The following RALGAPA1 variants were observed in gnomAD, a reference collection of about 807,000 sequenced individuals.
RALGAPA1 encodes the protein ral GTPase-activating protein subunit alpha-1.
RALGAPA1 carries 52 observed loss-of-function variants against 269.6 expected under a neutral mutation model. That is an observed-to-expected ratio of 0.19 (90% CI 0.15 to 0.24). The LOEUF is 0.24. RALGAPA1 is among the 10% of genes least tolerant of loss of function. The probability of loss-of-function intolerance (pLI) is 1.00; values close to 1 mark genes in which losing one functional copy is unlikely to be tolerated. For synonymous variants in RALGAPA1, 817 were observed against 1,008.3 expected (o/e 0.81, Z 3.60); for missense variants, 1,917 against 3,013.9 (o/e 0.64, Z 8.52).
chr14:35,642,592 G>A (rs988018212), intron 31 of RALGAPA1, among the ~76,000 whole-genome samples: 2 of 152,088 alleles, frequency 1.3e-5, no homozygotes, highest in African/African-American at 2.4e-5. Context: ...AATACAATGA[G>A]ATATCATCTC....
intron 7 of RALGAPA1, among the ~76,000 whole-genome samples, chr14:35,756,069 A>G (rs1488190388): frequency 6.6e-6 from 1 of 152,226 alleles, no homozygotes; most frequent in Non-Finnish European, 1.5e-5. Flanking sequence ...TAGTTGTTAC[A>G]TATTGGCAGA....
Position 35,578,877 on chromosome 14 carries a change from C to T in RALGAPA1, c.7210-6159G>A, listed in dbSNP as rs142032268. 6.1e-4 allele frequency among the ~76,000 whole-genome samples: 93 copies of T among 152,272 alleles called. 1 individual carries two copies. Among genetic ancestry groups the T allele is most frequent in the African/African-American group, 2.2e-3 (91 of 41,572 alleles). ...GGCCTGGTACTAGGTGCTGGAGATA[C>T]AGCAGTAAGCAAAAGAGACAAAGTC... On this transcript the variant is annotated intron_variant, in intron 37 of 41. Transcript: ENST00000680220.
At chr14:35,559,372 C>A (rs187243913) in intron 39 of RALGAPA1, among the ~76,000 whole-genome samples, 1 of 152,042 alleles carries the variant, frequency 6.6e-6, no homozygotes. Flanking sequence ...TCTGAATCTA[C>A]AGTTGTTTTC....
At chr14:35,738,728 G>T in intron 11 of RALGAPA1, 78 bp from the exon 12 acceptor site, 1 of 1,172,770 alleles carries the variant, frequency 8.5e-7, no homozygotes, top group South Asian at 1.6e-5. Flanking sequence ...AAAGGTAAAT[G>T]AAATTGTTAG....
intron 28 of RALGAPA1, among the ~76,000 whole-genome samples, chr14:35,657,678 T>A (rs749706418): frequency 2.2e-5 from 3 of 136,718 alleles, no homozygotes; most frequent in Non-Finnish European, 4.6e-5. Context: ...AGAAGCAACA[T>A]ATATATATAT....
intron 39 of RALGAPA1, among the ~76,000 whole-genome samples, chr14:35,563,289 A>G (rs1027263254): frequency 6.6e-6 from 1 of 152,132 alleles, no homozygotes; most frequent in Non-Finnish European, 1.5e-5. Context: ...CTTTTAAAAC[A>G]AAGGATATTT....
chr14:35,609,939 A>C (rs2059824262), intron 35 of RALGAPA1, among the ~76,000 whole-genome samples: 1 of 151,236 alleles, frequency 6.6e-6, no homozygotes. Context: ...AAAAAAAAAA[A>C]AAAAGAAAAA....
intron 17 of RALGAPA1, among the ~76,000 whole-genome samples, chr14:35,690,652 T>C (rs1210462721): frequency 6.6e-6 from 1 of 152,260 alleles, no homozygotes; most frequent in African/African-American, 2.4e-5. Flanking sequence ...TTGTATTCTT[T>C]TGTTTTTGGC....
intron 33 of RALGAPA1, among the ~76,000 whole-genome samples, chr14:35,629,337 A>G (rs897038239): frequency 6.6e-6 from 1 of 150,962 alleles, no homozygotes; most frequent in South Asian, 2.1e-4. Context: ...TCTCTACTTA[A>G]TTTTAGACAT....
chr14:35,697,339 TG>T (rs869082743), intron 17 of RALGAPA1, among the ~76,000 whole-genome samples: 1 of 117,610 alleles, frequency 8.5e-6, no homozygotes, highest in Non-Finnish European at 1.9e-5. Flanking sequence ...TGTTTTTTTT[TG>T]TTTTGTTTTG....
intron 12 of RALGAPA1, among the ~76,000 whole-genome samples, chr14:35,733,811 T>C (rs530898752): frequency 6.6e-6 from 1 of 152,124 alleles, no homozygotes; most frequent in African/African-American, 2.4e-5. Context: ...ATAAAATTGA[T>C]AGACCCTTAG....
chr14:35,771,673 C>A (rs1366731350), intron 3 of RALGAPA1, among the ~76,000 whole-genome samples: 1 of 151,578 alleles, frequency 6.6e-6, no homozygotes, highest in Non-Finnish European at 1.5e-5. Flanking sequence ...TTTTTTTCCC[C>A]CTTTAGAGAC....
rs1182909247 is a variant in RALGAPA1 at position 35,689,608 on chromosome 14, C to T, written c.2803G>A (p.Gly935Arg). 2 of 1,245,090 alleles carry T rather than the reference C, an allele frequency of 1.6e-6. No individual in the cohort carries two copies. Among genetic ancestry groups the T allele is most frequent in the African/African-American group, 3.1e-5 (2 of 64,588 alleles). The allele number at this position is 1,245,090 out of a possible 1,614,324, so 77.1% of individuals were successfully genotyped here. ...FEQIQYIDLE[G>R]DDDLLSTLKE... ...AGGGTGGAAAGAAGATCATCATCTCCTTCAAGGTCAATGTACTGGATTTGT... is the reference window on the plus strand; with the variant it reads ...AGGGTGGAAAGAAGATCATCATCTCTTTCAAGGTCAATGTACTGGATTTGT... The change falls in exon 18 of 42, where the codon GGA (glycine) becomes AGA (arginine). Residue 935 changes from glycine (G) to arginine (R), a missense_variant. Transcript: ENST00000680220.
chr14:35,785,587 C>T (rs991099658), intron 1 of RALGAPA1, among the ~76,000 whole-genome samples: 1 of 152,176 alleles, frequency 6.6e-6, no homozygotes, highest in African/African-American at 2.4e-5. Context: ...CTCAAACTGT[C>T]TGTGAAGGAC....
chr14:35,581,690 C>T (rs1293359948), intron 37 of RALGAPA1, among the ~76,000 whole-genome samples: 5 of 152,038 alleles, frequency 3.3e-5, no homozygotes, highest in African/African-American at 1.2e-4. Flanking sequence ...TCATTTCACA[C>T]CTACTACTAT....
At chr14:35,618,916 T>G (rs562330460) in intron 35 of RALGAPA1, among the ~76,000 whole-genome samples, 8 of 152,198 alleles carry the variant, frequency 5.3e-5, no homozygotes, top group African/African-American at 1.4e-4. Flanking sequence ...ATGGGAAGAA[T>G]GATGATTATG....
chr14:35,690,001 T>C lies in RALGAPA1; in HGVS notation c.2410A>G (p.Ile804Val). The change falls in exon 18 of 42, where the codon ATT (isoleucine) becomes GTT (valine). Residue 804 changes from isoleucine to valine, a missense_variant and splice_region_variant. By Grantham distance (29) the Ile-to-Val change is conservative. Around this residue, in one of 11 missense-constraint regions of RALGAPA1, gnomAD observed 125 missense variants for 155.7 expected, o/e 0.80. Transcript: ENST00000680220. ...CGGGGAAGTATTTGAGCATCATCAA[T>C]ATCTGTAAAAGAAAAAAAAATTATG... The part of the protein sequence containing the change: ...LTPLSDELSD[I>V]DDAQILPRST... 1.3e-6 allele frequency: 2 copies of C among 1,561,416 alleles called. No homozygotes were observed. The highest frequency in any genetic ancestry group is 1.2e-5 in the South Asian group (1 of 82,610).
At chr14:35,667,275 G>A (rs919825536) in intron 26 of RALGAPA1, among the ~76,000 whole-genome samples, 2 of 152,078 alleles carry the variant, frequency 1.3e-5, no homozygotes, top group African/African-American at 4.8e-5. Flanking sequence ...TGGCGCACCT[G>A]TAGTCCCAGC....
chr14:35,636,258 C>A (rs2061658563), intron 31 of RALGAPA1, among the ~76,000 whole-genome samples: 1 of 152,024 alleles, frequency 6.6e-6, no homozygotes, highest in African/African-American at 2.4e-5. Context: ...ACTTTTTATA[C>A]AAAATGTAGA....
Sources: allele counts gnomAD v4.1 joint callset (sites outside exome capture counted in the v4.1 genomes callset), GRCh38; gene constraint gnomAD v4.1.1; regional missense constraint gnomAD v4.1.1; transcripts MANE v1.5; gene names NCBI Gene and HGNC (gene_info 2026-07-23, HGNC 2026-07-21).